Variants in C1QTNF6 observed in about 807,000 individuals in gnomAD.
C1QTNF6 encodes C1q and TNF related 6.
In C1QTNF6, 17 loss-of-function variants were observed where a neutral mutation model predicts 20.7. That is an observed-to-expected ratio of 0.82 (90% CI 0.56 to 1.23). The LOEUF is 1.23. Among genes scored for constraint, C1QTNF6 ranks in the 50% most tolerant of loss-of-function variants. The probability of loss-of-function intolerance (pLI) is 0.00; values close to 1 mark genes in which losing one functional copy is unlikely to be tolerated. For synonymous variants in C1QTNF6, 130 were observed against 156.3 expected (o/e 0.83, Z 1.25); for missense variants, 329 against 389.7 (o/e 0.84, Z 1.31).
chr22:37,197,836 G>A (rs957940839), upstream of C1QTNF6: 4 of 152,330 alleles, frequency 2.6e-5, no homozygotes, highest in African/African-American at 9.6e-5. Flanking sequence ...CAGCTGGTCA[G>A]GTGGCCTGAA....
At position 37,186,258 on chromosome 22, in the gene C1QTNF6, A is replaced by AT. The variant is rs1349027906; in HGVS notation, c.52-804dup. On this transcript the variant is annotated intron_variant, in intron 1 of 2. Transcript: ENST00000337843. ...TGCCCCTCTGGACAAATTAGAAATG[A>AT]TAAGAGTCCCCGTTGGAGGGACGTG... Among the ~76,000 whole-genome samples the AT allele has an allele frequency of 2.0e-5, 3 of 151,298 alleles. No homozygotes were observed. In the Admixed American group the frequency reaches 2.0e-4, roughly 10 times the overall value.
intron 1 of C1QTNF6, chr22:37,185,872 T>C: frequency 7.1e-6 from 7 of 988,234 alleles, no homozygotes; most frequent in Non-Finnish European, 8.4e-6. Flanking sequence ...CCCGCGCACC[T>C]CCCTCTGGCA....
upstream of C1QTNF6, among the ~76,000 whole-genome samples, chr22:37,191,108 G>A (rs1252211332): frequency 6.6e-6 from 1 of 152,122 alleles, no homozygotes; most frequent in African/African-American, 2.4e-5. Flanking sequence ...GTACTCATCA[G>A]AGTCCTATAG....
At chr22:37,187,570 A>C (rs1483925257) in intron 1 of C1QTNF6, among the ~76,000 whole-genome samples, 1 of 58,754 alleles carries the variant, frequency 1.7e-5, no homozygotes, top group Non-Finnish European at 3.1e-5. Context: ...CTTATAAAAG[A>C]CTTAAAAAAA....
rs920059255 is a variant in C1QTNF6, at chr22:37,184,473, C to T, written c.289+745G>A. On this transcript the variant is annotated intron_variant, in intron 2 of 2. Transcript: ENST00000337843. The surrounding 1 kb of genome is among the most constrained non-coding windows in gnomAD (Gnocchi z 4.0). ...AGCGGGTAGCCAGCCCGCACCTGGA[C>T]GGCCCTCACCTGGATGCCTTTCACC... 1.4e-5 allele frequency: 10 copies of T among 715,560 alleles called. No individual in the cohort carries two copies. The East Asian group carries it at 2.1e-4, about 15-fold the overall frequency. 44.3% of individuals were successfully genotyped at this position (715,560 alleles called of 1,614,324 possible).
At position 37,180,345 on chromosome 22, in the gene C1QTNF6, C is replaced by G. The variant is rs1350479391; in HGVS notation, c.*1843G>C. The G allele has an allele frequency of 6.5e-6, 1 of 152,772 alleles. No individual in the cohort carries two copies. Among genetic ancestry groups the G allele is most frequent in the Non-Finnish European group, 1.5e-5 (1 of 68,124 alleles). 9.5% of individuals were successfully genotyped at this position (152,772 alleles called of 1,614,324 possible). On this transcript the variant is annotated 3_prime_UTR_variant, in exon 3 of 3. Transcript: ENST00000337843. ...CGGCTGTGAGCACCAGAGATCACCC[C>G]CCGGGGCACCTCAGCCCCAGAGTCT...
At chr22:37,186,768 GTTTC>G (rs1325534187) in intron 1 of C1QTNF6, among the ~76,000 whole-genome samples, 1 of 152,200 alleles carries the variant, frequency 6.6e-6, no homozygotes, top group Non-Finnish European at 1.5e-5. Context: ...CACTTCTGGC[GTTTC>G]TTTGTTTATT....
intron 1 of C1QTNF6, 77 bp downstream of exon 1, chr22:37,188,086 C>A: frequency 6.8e-7 from 1 of 1,480,524 alleles, no homozygotes; most frequent in South Asian, 1.2e-5. Context: ...GAGATGCTTC[C>A]AGGAAGCAAG....
Position 37,184,345 on chromosome 22 carries a change from C to T in C1QTNF6, c.289+873G>A. 1.4e-6 allele frequency: 1 copy of T among 717,148 alleles called. No homozygotes were observed. Among genetic ancestry groups the T allele is most frequent in the East Asian group, 2.7e-5 (1 of 37,286 alleles). The allele number at this position is 717,148 out of a possible 1,614,324, so 44.4% of individuals were successfully genotyped here. On this transcript the variant is annotated intron_variant, in intron 2 of 2. Transcript: ENST00000337843. This position sits in a 1 kb window ranked among gnomAD's most constrained non-coding sequence, Gnocchi z 4.0. ...AATAAGAAAATATCGACCTCACGGG[C>T]TGTTGTGGGCAGAGACGGACGCTAA...
At chr22:37,193,950 C>A (rs1030769545) in intron 2 of C1QTNF6, among the ~76,000 whole-genome samples, 1 of 152,222 alleles carries the variant, frequency 6.6e-6, no homozygotes, top group Admixed American at 6.5e-5. Flanking sequence ...AGCCACGGCA[C>A]TAGACAGTTT....
rs1315556957 is a variant in C1QTNF6, at chr22:37,181,525, T to G, written c.*663A>C. The G allele has an allele frequency of 3.3e-5, 5 of 152,200 alleles. No individual in the cohort carries two copies. The East Asian group carries it at 9.7e-4, about 29-fold the overall frequency. The allele number at this position is 152,200 out of a possible 1,614,324, so 9.4% of individuals were successfully genotyped here. A position where few individuals can be genotyped will look rare whatever the true frequency, so the allele number is the denominator to read the frequency against. On this transcript the variant is annotated 3_prime_UTR_variant, in exon 3 of 3. Coordinates refer to ENST00000337843, the MANE Select transcript of C1QTNF6 (RefSeq NM_031910.4). ...CAATATGGTGAAACCCCATCTCTAC[T>G]AAAAATACAAAAATTAGCCAGGCAT...
chr22:37,182,942 G>C, intron 2 of C1QTNF6: 1 of 1,426,740 alleles, frequency 7.0e-7, no homozygotes. Context: ...CAGAGAGGGT[G>C]AGTGACTCAC....
intron 1 of C1QTNF6, chr22:37,197,387 C>A (rs1925202423): frequency 6.6e-6 from 1 of 152,286 alleles, no homozygotes; most frequent in African/African-American, 2.4e-5. Flanking sequence ...AGCCTTCGGG[C>A]TTAGAAAACC....
chr22:37,192,962 T>A (rs1490317013), upstream of C1QTNF6, among the ~76,000 whole-genome samples: 2 of 152,044 alleles, frequency 1.3e-5, no homozygotes. Context: ...AACCCCAAAA[T>A]TAAGGGTTTC....
Position 37,182,430 on chromosome 22 carries a change from T to C in C1QTNF6, c.595A>G (p.Ser199Gly). Residue 199 changes from serine to glycine, a missense_variant, in exon 3 of 3, where the codon AGC becomes GGC. Coordinates refer to ENST00000337843, the MANE Select transcript of C1QTNF6 (RefSeq NM_031910.4). ...GIYFFSLNVHSWNYKETYVHI... is the reference protein window; with the variant it reads ...GIYFFSLNVHGWNYKETYVHI... Reference sequence around the variant, plus strand: ...ACGTACGTCTCCTTGTAATTCCAGCTGTGCACATTGAGGCTGAAGAAGTAG... The same window carrying C: ...ACGTACGTCTCCTTGTAATTCCAGCCGTGCACATTGAGGCTGAAGAAGTAG... The C allele has an allele frequency of 6.2e-7, 1 of 1,614,264 alleles. No homozygotes were observed. The highest frequency in any genetic ancestry group is 1.1e-5 in the South Asian group (1 of 91,090).
At chr22:37,194,134 C>T (rs573559282) in intron 2 of C1QTNF6, among the ~76,000 whole-genome samples, 4 of 42,656 alleles carry the variant, frequency 9.4e-5, no homozygotes, top group Admixed American at 3.2e-4. Flanking sequence ...CTTGCAAGGA[C>T]GTAAAAAAAA....
intron 2 of C1QTNF6, 42 bp from the exon 3 acceptor site, chr22:37,182,777 G>C: frequency 6.6e-7 from 1 of 1,522,696 alleles, no homozygotes. Flanking sequence ...GGACATCTGA[G>C]CCTGCTCCAA....
intron 1 of C1QTNF6, chr22:37,196,410 C>G (rs754358598): frequency 7.2e-5 from 11 of 152,208 alleles, no homozygotes; most frequent in Non-Finnish European, 1.6e-4. Flanking sequence ...GTCCCTTATC[C>G]TCCACCAAGG....
rs150265573 is a variant in C1QTNF6 at position 37,185,412 on chromosome 22, A to G, written c.95T>C (p.Leu32Pro). The G allele has an allele frequency of 1.2e-5, 19 of 1,612,064 alleles. No individual in the cohort carries two copies. In the African/African-American group the frequency reaches 2.4e-4, roughly 20 times the overall value. The change falls in exon 2 of 3, where the codon CTC becomes CCC. Residue 32 changes from leucine to proline, a missense_variant. Physicochemically the swap from Leu to Pro is moderately conservative, Grantham distance 98. Transcript: ENST00000337843. ...TAALGPVWAALLLFLLMCEIP... is the reference protein window; with the variant it reads ...TAALGPVWAAPLLFLLMCEIP... ...CTCACACATCAGGAGAAAGAGCAGG[A>G]GCGCTGCCCAGACGGGACCCAGGGC...
Sources: allele counts gnomAD v4.1 joint callset (sites outside exome capture counted in the v4.1 genomes callset), GRCh38; gene constraint gnomAD v4.1.1; non-coding constraint Gnocchi (gnomAD v3.1); transcripts MANE v1.5; gene names NCBI Gene and HGNC (gene_info 2026-07-23, HGNC 2026-07-21).